Variants in SOX6 observed in about 807,000 individuals in gnomAD.
SOX6 encodes SRY-box transcription factor 6.
In SOX6, 11 loss-of-function variants were observed where a neutral mutation model predicts 97.8. That is an observed-to-expected ratio of 0.11 (90% CI 0.07 to 0.19). The LOEUF (loss-of-function observed/expected upper bound fraction) is 0.19, where lower values mean the gene tolerates loss of function less well. SOX6 is among the 10% of genes least tolerant of loss of function. SOX6 has a pLI of 1.00. For synonymous variants in SOX6, 360 were observed against 371.4 expected (o/e 0.97, Z 0.35); for missense variants, 810 against 1,039.5 (o/e 0.78, Z 3.04).
chr11:15,979,593 A>C (rs11023807), intron 15 of SOX6, among the ~76,000 whole-genome samples: 66,064 of 151,878 alleles, frequency 0.43, 14,623 homozygotes, highest in African/African-American at 0.49. Flanking sequence ...CTATGGCTTA[A>C]AAGTCTTTTC....
chr11:16,639,106 G>A (rs1183654309), intron 3 of SOX6, among the ~76,000 whole-genome samples: 1 of 152,192 alleles, frequency 6.6e-6, no homozygotes, highest in African/African-American at 2.4e-5. Flanking sequence ...GTGTAAGGAA[G>A]GGATCCAGTT....
At chr11:16,412,976 C>T (rs528350043) in intron 1 of SOX6, among the ~76,000 whole-genome samples, 1 of 152,292 alleles carries the variant, frequency 6.6e-6, no homozygotes, top group South Asian at 2.1e-4. Context: ...AGTTCCACCT[C>T]AACCACAGGT....
chr11:16,483,089 A>T (rs540518780), intron 4 of SOX6, among the ~76,000 whole-genome samples: 1 of 152,216 alleles, frequency 6.6e-6, no homozygotes, highest in Non-Finnish European at 1.5e-5. Flanking sequence ...ACCCTGTGAA[A>T]GGGTCTCAGG....
intron 10 of SOX6, among the ~76,000 whole-genome samples, chr11:16,054,896 A>T (rs1847776180): frequency 6.6e-6 from 1 of 152,200 alleles, no homozygotes; most frequent in Non-Finnish European, 1.5e-5. Flanking sequence ...GCTGCAGCAC[A>T]AAATTGCAGT....
chr11:15,987,239 G>T (rs1853876171), intron 14 of SOX6, among the ~76,000 whole-genome samples: 3 of 152,176 alleles, frequency 2.0e-5, no homozygotes, highest in African/African-American at 7.2e-5. Context: ...GGATGTTAGC[G>T]ATTCTTCAGT....
chr11:16,156,869 T>C (rs1850615086), intron 6 of SOX6, among the ~76,000 whole-genome samples: 1 of 152,070 alleles, frequency 6.6e-6, no homozygotes, highest in Non-Finnish European at 1.5e-5. Flanking sequence ...TCACTCTATA[T>C]TCTTACTTAT....
At chr11:16,117,620 T>C (rs55797092) in intron 6 of SOX6, among the ~76,000 whole-genome samples, 3,650 of 152,298 alleles carry the variant, frequency 0.024, 147 homozygotes, top group African/African-American at 0.083. Flanking sequence ...GGAAAGAGGC[T>C]TGGTGGCCAC....
chr11:16,688,063 C>T (rs989732343), intron 3 of SOX6, among the ~76,000 whole-genome samples: 3 of 152,082 alleles, frequency 2.0e-5, no homozygotes, highest in African/African-American at 7.2e-5. Context: ...GCCTCAACCT[C>T]CCAAACTCAA....
At chr11:16,254,040 TCTC>T (rs1191188871) in intron 3 of SOX6, among the ~76,000 whole-genome samples, 2 of 151,716 alleles carry the variant, frequency 1.3e-5, no homozygotes, top group Admixed American at 1.3e-4. Context: ...ACATATGACT[TCTC>T]CTCAGAAACC....
At chr11:16,331,352 C>A (rs544944344) in intron 2 of SOX6, among the ~76,000 whole-genome samples, 2 of 152,092 alleles carry the variant, frequency 1.3e-5, no homozygotes, top group Admixed American at 1.3e-4. Context: ...ACTCTGTTGA[C>A]AGTTAAGTCC....
chr11:16,145,803 AG>A (rs1282356387), intron 6 of SOX6, among the ~76,000 whole-genome samples: 2 of 152,220 alleles, frequency 1.3e-5, no homozygotes, highest in African/African-American at 2.4e-5. Flanking sequence ...AGGGATGTGA[AG>A]GACCTCTTCA....
At chr11:16,538,586 G>A (rs1565175205) in intron 4 of SOX6, among the ~76,000 whole-genome samples, 1 of 152,124 alleles carries the variant, frequency 6.6e-6, no homozygotes, top group Non-Finnish European at 1.5e-5. Context: ...CCCATCTCAT[G>A]TGCAGAGACA....
At chr11:16,569,798 G>A (rs924122943) in intron 4 of SOX6, among the ~76,000 whole-genome samples, 5 of 148,062 alleles carry the variant, frequency 3.4e-5, no homozygotes, top group Admixed American at 2.7e-4. Context: ...GAACCCGGGA[G>A]GTGGGGCTTG....
intron 4 of SOX6, among the ~76,000 whole-genome samples, chr11:16,496,970 G>C (rs1219923865): frequency 2.0e-5 from 3 of 152,296 alleles, no homozygotes; most frequent in Admixed American, 6.5e-5. Context: ...GAAGAGAGTA[G>C]TGGTTCTCCC....
intron 4 of SOX6, among the ~76,000 whole-genome samples, chr11:16,569,168 A>C (rs1369348988): frequency 1.3e-5 from 2 of 152,216 alleles, no homozygotes; most frequent in Admixed American, 1.3e-4. Flanking sequence ...GCAATTTTTA[A>C]AGGCTTTTGC....
At chr11:16,480,816 TA>T (rs1860329982), upstream of SOX6, among the ~76,000 whole-genome samples, 1 of 152,154 alleles carries the variant, frequency 6.6e-6, no homozygotes, top group South Asian at 2.1e-4. Flanking sequence ...ACTTTTACAT[TA>T]AATCATAGCA....
chr11:16,552,022 T>G (rs546059570), intron 4 of SOX6, among the ~76,000 whole-genome samples: 1 of 152,336 alleles, frequency 6.6e-6, no homozygotes, highest in East Asian at 1.9e-4. Flanking sequence ...TACATTTTTC[T>G]TACACATCTA....
intron 3 of SOX6, among the ~76,000 whole-genome samples, chr11:16,703,471 A>T (rs1441987972): frequency 1.3e-5 from 2 of 152,052 alleles, no homozygotes; most frequent in African/African-American, 2.4e-5. Context: ...TAGTCCCGAA[A>T]TTTTTTTTAA....
intron 4 of SOX6, among the ~76,000 whole-genome samples, chr11:16,580,988 A>G (rs754412098): frequency 6.6e-6 from 1 of 151,958 alleles, no homozygotes; most frequent in Non-Finnish European, 1.5e-5. Flanking sequence ...ATGCTTTTAC[A>G]CTCTTGGTGG....
Sources: gnomAD v4.1 joint callset for allele counts (sites outside exome capture counted in the v4.1 genomes callset) on GRCh38, gnomAD v4.1.1 for gene constraint, MANE v1.5 for transcripts, NCBI Gene and HGNC (gene_info 2026-07-23, HGNC 2026-07-21) for gene names.